The following ZBTB40 variants were observed in gnomAD, a reference collection of about 807,000 sequenced individuals.
ZBTB40 encodes the protein zinc finger and BTB domain-containing protein 40.
In ZBTB40, 60 loss-of-function variants were observed where a neutral mutation model predicts 117.5. That is an observed-to-expected ratio of 0.51 (90% CI 0.41 to 0.63). The LOEUF (loss-of-function observed/expected upper bound fraction) is 0.63, where lower values mean the gene tolerates loss of function less well. Among genes scored for constraint, ZBTB40 ranks in the 30% least tolerant of loss-of-function variants. ZBTB40 has a pLI of 0.00. For missense variants in ZBTB40, 1,287 were observed against 1,498.5 expected (o/e 0.86, Z 2.33); for synonymous variants, 525 against 577.1 (o/e 0.91, Z 1.29).
chr1:22,446,893 A>G (rs1460603134), upstream of ZBTB40, among the ~76,000 whole-genome samples: 1 of 152,132 alleles, frequency 6.6e-6, no homozygotes, highest in Non-Finnish European at 1.5e-5. Flanking sequence ...CCTTGAGTTC[A>G]GGAGTTTGAG....
chr1:22,454,085 G>A (rs1015627888), intron 1 of ZBTB40, among the ~76,000 whole-genome samples: 3 of 152,162 alleles, frequency 2.0e-5, no homozygotes, highest in African/African-American at 7.2e-5. Context: ...GAATGGCTGG[G>A]ACTACAGGCA....
intron 1 of ZBTB40, among the ~76,000 whole-genome samples, chr1:22,430,770 C>T (rs1640569924): frequency 6.6e-6 from 1 of 152,110 alleles, no homozygotes; most frequent in Non-Finnish European, 1.5e-5. Flanking sequence ...CATGCCCAGC[C>T]AGTTTTTCTT....
chr1:22,515,529 G>A (rs925474749), intron 12 of ZBTB40, among the ~76,000 whole-genome samples: 28 of 152,146 alleles, frequency 1.8e-4, no homozygotes, highest in African/African-American at 6.3e-4. Context: ...CTCATTCCTT[G>A]CCTTTCCAGC....
chr1:22,512,874 C>CACTGAT (rs781268974), intron 11 of ZBTB40, 50 bp from the exon 12 acceptor site: 25 of 1,597,004 alleles, frequency 1.6e-5, no homozygotes, highest in Admixed American at 3.3e-5. Flanking sequence ...AGATTCCTAA[C>CACTGAT]ACTGATTAGT....
intron 1 of ZBTB40, among the ~76,000 whole-genome samples, chr1:22,483,166 C>A (rs1557497465): frequency 6.6e-6 from 1 of 151,290 alleles, no homozygotes; most frequent in Non-Finnish European, 1.5e-5. Context: ...ACTTTTTAGT[C>A]CATTGTCTGG....
chr1:22,507,921 C>G (rs564427863), intron 6 of ZBTB40, 80 bp from the exon 7 acceptor site: 3 of 1,607,436 alleles, frequency 1.9e-6, no homozygotes, highest in African/African-American at 2.7e-5. Flanking sequence ...CTCTCTTCCT[C>G]TCTCATTGGT....
intron 13 of ZBTB40, chr1:22,519,487 A>G (rs184895378): frequency 2.8e-4 from 47 of 168,402 alleles, no homozygotes; most frequent in African/African-American, 1.0e-3. Flanking sequence ...TAGGGATGAT[A>G]ATAGAACCTA....
chr1:22,501,396 G>A, intron 3 of ZBTB40, 96 bp from the exon 4 acceptor site: 1 of 1,350,620 alleles, frequency 7.4e-7, no homozygotes, highest in Non-Finnish European at 1.1e-6. Context: ...GAAGCTGGCG[G>A]GAATCAAACT....
chr1:22,453,832 GACCAC>G, intron 1 of ZBTB40, among the ~76,000 whole-genome samples: 1 of 152,190 alleles, frequency 6.6e-6, no homozygotes, highest in East Asian at 1.9e-4. Context: ...TAAGGGCAGG[GACCAC>G]ACCTTACTGT....
At chr1:22,431,257 T>TGTATATATTGAATATATACAATATG (rs1640578418) in intron 1 of ZBTB40, among the ~76,000 whole-genome samples, 1 of 147,482 alleles carries the variant, frequency 6.8e-6, no homozygotes, top group Admixed American at 7.3e-5. Context: ...TATACAATAT[T>TGTATATATTGAATATATACAATATG]GTATATATTG....
At chr1:22,501,397 G>A in intron 3 of ZBTB40, 95 bp from the exon 4 acceptor site, 1 of 1,364,274 alleles carries the variant, frequency 7.3e-7, no homozygotes, top group Non-Finnish European at 1.0e-6. Flanking sequence ...AAGCTGGCGG[G>A]AATCAAACTG....
chr1:22,442,616 C>T (rs914490090), intron 1 of ZBTB40, among the ~76,000 whole-genome samples: 7 of 152,114 alleles, frequency 4.6e-5, no homozygotes, highest in African/African-American at 1.4e-4. Context: ...TGTGACCTCC[C>T]CCATGCCACC....
rs534628898 is a variant in ZBTB40, at chr1:22,508,201, T to C, written c.1497+64T>C. 1.4e-4 allele frequency: 207 copies of C among 1,520,072 alleles called. 3 individuals carry two copies. In the Admixed American group the frequency reaches 3.1e-3, roughly 23 times the overall value. 94.2% of individuals were successfully genotyped at this position (1,520,072 alleles called of 1,614,324 possible). A position where few individuals can be genotyped will look rare whatever the true frequency, so the allele number is the denominator to read the frequency against. On this transcript the variant is annotated intron_variant, in intron 7 of 17. Coordinates refer to ENST00000375647, the MANE Select transcript of ZBTB40 (RefSeq NM_014870.4). ...ATGAGAAAGAAGGAAAAAATATGAA[T>C]ACACACACACATTTATATTTTCTGT... is the stretch of plus-strand genomic sequence containing the variant.
intron 1 of ZBTB40, among the ~76,000 whole-genome samples, chr1:22,441,136 T>C (rs1640726821): frequency 6.6e-6 from 1 of 152,198 alleles, no homozygotes; most frequent in Non-Finnish European, 1.5e-5. Context: ...ATATTTTTGA[T>C]TACTGATTCA....
At chr1:22,449,095 T>A (rs1322371696), upstream of ZBTB40, among the ~76,000 whole-genome samples, 5 of 152,128 alleles carry the variant, frequency 3.3e-5, no homozygotes, top group African/African-American at 9.7e-5. Flanking sequence ...ATTACAGGTG[T>A]GAGCCACCGC....
chr1:22,524,948 C>T (rs938532871), intron 17 of ZBTB40, among the ~76,000 whole-genome samples: 3 of 152,200 alleles, frequency 2.0e-5, no homozygotes, highest in Non-Finnish European at 2.9e-5. Context: ...CTCTTTTACT[C>T]TTCTTCCCAT....
intron 1 of ZBTB40, among the ~76,000 whole-genome samples, chr1:22,435,002 G>A (rs547484821): frequency 1.6e-4 from 24 of 150,826 alleles, no homozygotes; most frequent in African/African-American, 4.4e-4. Flanking sequence ...CGAGTTTTTC[G>A]TTTTATCCTT....
intron 1 of ZBTB40, among the ~76,000 whole-genome samples, chr1:22,429,075 A>G (rs1249437375): frequency 6.6e-6 from 1 of 152,124 alleles, no homozygotes; most frequent in East Asian, 1.9e-4. Context: ...TCAAATCCAG[A>G]TATTTTCTTC....
At position 22,517,643 on chromosome 1, in the gene ZBTB40, G is replaced by T. The variant is rs191549646; in HGVS notation, c.2833+179G>T. On this transcript the variant is annotated intron_variant, in intron 13 of 17. Transcript: ENST00000375647. ...TAGTTCAGGAAGAATCTCATTTTAAGGTATCTCATATAACGCTTATTTCTC... is the reference window on the plus strand; with the variant it reads ...TAGTTCAGGAAGAATCTCATTTTAATGTATCTCATATAACGCTTATTTCTC... 73 of 742,796 alleles carry T rather than the reference G, an allele frequency of 9.8e-5. No homozygotes were observed. In the East Asian group the frequency reaches 1.8e-3, roughly 18 times the overall value. The allele number at this position is 742,796 out of a possible 1,614,324, so 46.0% of individuals were successfully genotyped here. A position where few individuals can be genotyped will look rare whatever the true frequency, so the allele number is the denominator to read the frequency against.
Sources: gnomAD v4.1 joint callset for allele counts (sites outside exome capture counted in the v4.1 genomes callset) on GRCh38, gnomAD v4.1.1 for gene constraint, MANE v1.5 for transcripts, NCBI Gene and HGNC (gene_info 2026-07-23, HGNC 2026-07-21) for gene names.